FRMD4A: variants seen among roughly 807,000 people sequenced by gnomAD.
FRMD4A encodes FERM domain-containing protein 4A.
FRMD4A carries 29 observed loss-of-function variants against 129.1 expected under a neutral mutation model. The observed-to-expected ratio is 0.22, with a 90% CI of 0.17 to 0.31. FRMD4A has a LOEUF of 0.31. FRMD4A is among the 10% of genes least tolerant of loss of function. The pLI, the probability that FRMD4A is intolerant of heterozygous loss-of-function variation, is 1.00. For synonymous variants in FRMD4A, 634 were observed against 571.6 expected (o/e 1.11, Z -1.56); for missense variants, 1,272 against 1,375.8 (o/e 0.92, Z 1.19).
At chr10:13,676,665 T>C (rs2084035766) in intron 15 of FRMD4A, among the ~76,000 whole-genome samples, 1 of 152,182 alleles carries the variant, frequency 6.6e-6, no homozygotes, top group Admixed American at 6.6e-5. Context: ...GCTCACACCA[T>C]GCCATTGACA....
At chr10:14,086,182 C>T (rs1450431235) in intron 2 of FRMD4A, among the ~76,000 whole-genome samples, 2 of 152,106 alleles carry the variant, frequency 1.3e-5, no homozygotes, top group Non-Finnish European at 2.9e-5. Flanking sequence ...AGGGGCTATG[C>T]TGATTAATTT....
intron 19 of FRMD4A, among the ~76,000 whole-genome samples, chr10:13,663,117 G>A (rs1222284848): frequency 1.3e-5 from 2 of 151,610 alleles, no homozygotes; most frequent in Non-Finnish European, 2.9e-5. Context: ...TTGAGCCTAG[G>A]AGGCAGAGGT....
intron 2 of FRMD4A, among the ~76,000 whole-genome samples, chr10:14,153,558 T>C (rs1167927785): frequency 6.6e-6 from 1 of 152,196 alleles, no homozygotes; most frequent in East Asian, 1.9e-4. Flanking sequence ...AAGATGAGGC[T>C]ACACCAGTGT....
intron 2 of FRMD4A, among the ~76,000 whole-genome samples, chr10:14,200,446 C>T (rs1229869294): frequency 1.3e-5 from 2 of 152,074 alleles, no homozygotes; most frequent in Non-Finnish European, 2.9e-5. Flanking sequence ...GGCACCCCCA[C>T]CTTGCAAGGC....
chr10:13,989,286 A>C (rs1277175346), intron 2 of FRMD4A, among the ~76,000 whole-genome samples: 1 of 152,158 alleles, frequency 6.6e-6, no homozygotes, highest in African/African-American at 2.4e-5. Flanking sequence ...TACCATGTTG[A>C]TTCTTCTGAA....
intron 2 of FRMD4A, among the ~76,000 whole-genome samples, chr10:13,869,338 G>A (rs547552492): frequency 6.6e-6 from 1 of 152,346 alleles, no homozygotes; most frequent in Admixed American, 6.5e-5. Context: ...TCTCGCTGAA[G>A]AGGAACTCCT....
chr10:14,126,169 C>CTTTTTTT (rs55649566), intron 2 of FRMD4A, among the ~76,000 whole-genome samples: 2 of 122,376 alleles, frequency 1.6e-5, no homozygotes, highest in Admixed American at 8.8e-5. Flanking sequence ...ACCTTGCCCA[C>CTTTTTTT]TTTTTTTTTT....
At chr10:13,773,174 A>T (rs1356435150) in intron 6 of FRMD4A, among the ~76,000 whole-genome samples, 1 of 152,008 alleles carries the variant, frequency 6.6e-6, no homozygotes, top group Admixed American at 6.6e-5. Context: ...CACACTCGAC[A>T]CTCCTTCGTA....
chr10:13,827,366 C>T (rs1176950033), intron 3 of FRMD4A, among the ~76,000 whole-genome samples: 1 of 152,200 alleles, frequency 6.6e-6, no homozygotes, highest in East Asian at 1.9e-4. Flanking sequence ...TTCCCACAGC[C>T]TGGGGCAGAT....
At chr10:13,933,747 C>T (rs1410698217) in intron 2 of FRMD4A, among the ~76,000 whole-genome samples, 1 of 152,174 alleles carries the variant, frequency 6.6e-6, no homozygotes, top group East Asian at 1.9e-4. Context: ...TCTGTTGCCT[C>T]TCTCCTGTAT....
chr10:13,713,861 T>TACATATATA (rs2088334978), intron 12 of FRMD4A, among the ~76,000 whole-genome samples: 1 of 19,080 alleles, frequency 5.2e-5, no homozygotes, highest in Non-Finnish European at 7.4e-5. Context: ...ATATATATAA[T>TACATATATA]ATATATACAT....
At chr10:13,797,146 A>G (rs1406134820) in intron 4 of FRMD4A, among the ~76,000 whole-genome samples, 2 of 152,162 alleles carry the variant, frequency 1.3e-5, no homozygotes, top group Non-Finnish European at 2.9e-5. Flanking sequence ...GAAGGGATTG[A>G]GACCTGCTGT....
chr10:14,185,246 G>C (rs74835371), intron 2 of FRMD4A, among the ~76,000 whole-genome samples: 6,583 of 152,264 alleles, frequency 0.043, 231 homozygotes, highest in Non-Finnish European at 0.067. Flanking sequence ...ATTTCAAGAA[G>C]CCCGGAAACT....
intron 2 of FRMD4A, among the ~76,000 whole-genome samples, chr10:14,079,410 T>A (rs983342669): frequency 1.3e-5 from 2 of 152,170 alleles, no homozygotes; most frequent in Admixed American, 6.5e-5. Flanking sequence ...ACTCAGCCTT[T>A]CCATCTCAAA....
chr10:14,119,643 G>C (rs1022520960), intron 2 of FRMD4A, among the ~76,000 whole-genome samples: 1 of 152,168 alleles, frequency 6.6e-6, no homozygotes, highest in Non-Finnish European at 1.5e-5. Context: ...CAACAAATGA[G>C]AGGAGGTGTC....
At chr10:14,229,699 A>T (rs1326824135) in intron 2 of FRMD4A, among the ~76,000 whole-genome samples, 1 of 152,204 alleles carries the variant, frequency 6.6e-6, no homozygotes, top group Non-Finnish European at 1.5e-5. Flanking sequence ...TCAGCCTCTC[A>T]AAATGTTGGG....
Position 13,836,289 on chromosome 10 carries a change from C to T in FRMD4A, c.111+22558G>A, listed in dbSNP as rs75181649. On this transcript the variant is annotated intron_variant, in intron 3 of 24. Transcript: ENST00000357447. ...CTGGGATTACAGGTGTGAGCCAAAG[C>T]ACCGGGCCAGGATTTTGGTTATTCT... Among the ~76,000 whole-genome samples, 1,520 of 152,276 alleles carry T rather than the reference C, an allele frequency of 1.0e-2. 51 individuals are homozygous for T. Among genetic ancestry groups the T allele is most frequent in the South Asian group, 0.057 (276 of 4,816 alleles).
At chr10:13,667,287 C>T (rs543443188) in intron 17 of FRMD4A, 7 of 152,404 alleles carry the variant, frequency 4.6e-5, no homozygotes, top group Admixed American at 1.3e-4. Flanking sequence ...AGGCTACAGC[C>T]GGGCCCTTCA....
intron 2 of FRMD4A, among the ~76,000 whole-genome samples, chr10:13,955,739 C>G (rs947437847): frequency 1.3e-5 from 2 of 152,152 alleles, no homozygotes; most frequent in Non-Finnish European, 2.9e-5. Context: ...GAATTTCTAG[C>G]GTATTAAAGG....
Sources: allele counts gnomAD v4.1 joint callset (sites outside exome capture counted in the v4.1 genomes callset), GRCh38; gene constraint gnomAD v4.1.1; transcripts MANE v1.5; gene names NCBI Gene and HGNC (gene_info 2026-07-23, HGNC 2026-07-21).